The following GTF2IRD1 variants were observed in gnomAD, a reference collection of about 807,000 sequenced individuals.
The protein encoded by GTF2IRD1 is general transcription factor II-I repeat domain-containing protein 1.
GTF2IRD1 carries 26 observed loss-of-function variants against 113.2 expected under a neutral mutation model. The ratio of observed to expected loss-of-function variants is 0.23; its 90% CI spans 0.17 to 0.32. GTF2IRD1 has a LOEUF of 0.32. Among genes scored for constraint, GTF2IRD1 ranks in the 10% least tolerant of loss-of-function variants. The pLI is 1.00. For missense variants in GTF2IRD1, 864 were observed against 1,280.8 expected, an observed-to-expected ratio of 0.67 and a Z score of 4.97; for synonymous variants, 484 against 529.1, an observed-to-expected ratio of 0.91 and a Z score of 1.17.
chr7:74,490,552 C>G (rs1009940834), intron 1 of GTF2IRD1, among the ~76,000 whole-genome samples: 2 of 151,350 alleles, frequency 1.3e-5, no homozygotes, highest in Admixed American at 1.3e-4. Context: ...ACCCCCCCCC[C>G]CGCCCGCCTT....
At chr7:74,482,402 A>AT (rs1554334819) in intron 1 of GTF2IRD1, among the ~76,000 whole-genome samples, 2 of 150,500 alleles carry the variant, frequency 1.3e-5, no homozygotes, top group South Asian at 2.1e-4. Context: ...TAAATTTTAA[A>AT]TTTTTTGTAG....
At chr7:74,534,076 G>A (rs949767055) in intron 9 of GTF2IRD1, among the ~76,000 whole-genome samples, 3 of 151,908 alleles carry the variant, frequency 2.0e-5, no homozygotes, top group Admixed American at 1.3e-4. Flanking sequence ...TGCCACGATC[G>A]GTTGGCAGCT....
chr7:74,493,971 CA>C (rs1370583520), intron 1 of GTF2IRD1, among the ~76,000 whole-genome samples: 1 of 152,162 alleles, frequency 6.6e-6, no homozygotes, highest in Admixed American at 6.5e-5. Flanking sequence ...TCCACTCTCC[CA>C]AACAGCTGCC....
intron 22 of GTF2IRD1, among the ~76,000 whole-genome samples, chr7:74,575,523 G>A (rs782188721): frequency 6.6e-6 from 1 of 152,214 alleles, no homozygotes; most frequent in East Asian, 1.9e-4. Context: ...GACAGACAAG[G>A]GTGGAGAGAC....
chr7:74,465,794 G>C (rs1431784100), intron 1 of GTF2IRD1, among the ~76,000 whole-genome samples: 1 of 152,152 alleles, frequency 6.6e-6, no homozygotes, highest in African/African-American at 2.4e-5. Context: ...TTTTGAGACA[G>C]AGTCTTCCTC....
intron 1 of GTF2IRD1, among the ~76,000 whole-genome samples, chr7:74,469,754 A>T (rs1793972698): frequency 6.6e-6 from 1 of 151,816 alleles, no homozygotes. Flanking sequence ...CCCAGGCTGG[A>T]GTGCTTTGGT....
At chr7:74,514,944 C>G (rs1277499007) in intron 3 of GTF2IRD1, among the ~76,000 whole-genome samples, 1 of 150,934 alleles carries the variant, frequency 6.6e-6, no homozygotes, top group Non-Finnish European at 1.5e-5. Flanking sequence ...ATAATCCCAG[C>G]TACTCGGGAG....
chr7:74,575,038 C>T (rs776147737), intron 22 of GTF2IRD1, among the ~76,000 whole-genome samples: 27 of 152,086 alleles, frequency 1.8e-4, no homozygotes, highest in South Asian at 1.5e-3. Flanking sequence ...TGCAGTGAGC[C>T]GAGATTGCGC....
intron 22 of GTF2IRD1, among the ~76,000 whole-genome samples, chr7:74,576,449 T>C (rs1235596505): frequency 1.3e-5 from 2 of 148,840 alleles, no homozygotes; most frequent in Admixed American, 1.4e-4. Flanking sequence ...TAATCCCAGC[T>C]ACTCGGGAGG....
chr7:74,573,709 G>A (rs1800831735), intron 22 of GTF2IRD1, among the ~76,000 whole-genome samples: 1 of 152,152 alleles, frequency 6.6e-6, no homozygotes, highest in Non-Finnish European at 1.5e-5. Context: ...TTTACTGGGT[G>A]TACCCGATCC....
chr7:74,490,859 C>T (rs2117221375), intron 1 of GTF2IRD1, among the ~76,000 whole-genome samples: 1 of 152,236 alleles, frequency 6.6e-6, no homozygotes, highest in South Asian at 2.1e-4. Context: ...AAACCCAGGC[C>T]TGAGCTTTGC....
At chr7:74,574,765 C>A (rs1800919477) in intron 22 of GTF2IRD1, among the ~76,000 whole-genome samples, 1 of 150,686 alleles carries the variant, frequency 6.6e-6, no homozygotes, top group South Asian at 2.1e-4. Flanking sequence ...CCGGCCTATG[C>A]TGGACTTTTA....
chr7:74,501,200 C>A (rs367829119), intron 1 of GTF2IRD1, among the ~76,000 whole-genome samples: 1 of 152,076 alleles, frequency 6.6e-6, no homozygotes, highest in Non-Finnish European at 1.5e-5. Flanking sequence ...TGTTCACTGC[C>A]GGGCAGGGTT....
chr7:74,597,291 C>G (rs1323866811), intron 25 of GTF2IRD1, among the ~76,000 whole-genome samples: 28 of 151,470 alleles, frequency 1.8e-4, no homozygotes, highest in Admixed American at 2.6e-4. Flanking sequence ...ATCTACCTGC[C>G]TCGGCCCCCC....
At chr7:74,485,625 A>G (rs1437888681) in intron 1 of GTF2IRD1, among the ~76,000 whole-genome samples, 1 of 151,128 alleles carries the variant, frequency 6.6e-6, no homozygotes, top group African/African-American at 2.4e-5. Flanking sequence ...TCAAAGAAAA[A>G]AAAAAAATAG....
chr7:74,561,425 G>A (rs1366479613), intron 22 of GTF2IRD1, among the ~76,000 whole-genome samples: 1 of 152,062 alleles, frequency 6.6e-6, no homozygotes, highest in Non-Finnish European at 1.5e-5. Flanking sequence ...CCAGAAGGGG[G>A]ATCAGGAGGG....
At chr7:74,495,513 C>A (rs1251889385) in intron 1 of GTF2IRD1, among the ~76,000 whole-genome samples, 1 of 152,180 alleles carries the variant, frequency 6.6e-6, no homozygotes, top group Non-Finnish European at 1.5e-5. Flanking sequence ...CATCAACGGC[C>A]CCTCTCTTCG....
At chr7:74,519,983 G>A (rs782788317) in intron 6 of GTF2IRD1, among the ~76,000 whole-genome samples, 23 of 151,070 alleles carry the variant, frequency 1.5e-4, no homozygotes, top group Non-Finnish European at 2.1e-4. Flanking sequence ...CCAGCTACTC[G>A]GGAGGCTGAG....
At chr7:74,558,808 AC>A in intron 20 of GTF2IRD1, 52 bp from the exon 21 acceptor site, 1 of 1,452,092 alleles carries the variant, frequency 6.9e-7, no homozygotes, top group South Asian at 1.3e-5. Flanking sequence ...ATGTACACAC[AC>A]CCCACGCTGC....
Sources: allele counts gnomAD v4.1 joint callset (sites outside exome capture counted in the v4.1 genomes callset), GRCh38; gene constraint gnomAD v4.1.1; transcripts MANE v1.5; gene names NCBI Gene and HGNC (gene_info 2026-07-23, HGNC 2026-07-21).